Variants in HTR1E observed in about 807,000 individuals in gnomAD.
The protein encoded by HTR1E is 5-HT-1E.
Under a neutral mutation model 3.4 loss-of-function variants are expected in HTR1E, and 3 were observed. That is an observed-to-expected ratio of 0.89 (90% confidence interval 0.41 to 2.31). The LOEUF (loss-of-function observed/expected upper bound fraction) is 2.31. HTR1E is among the 30% of genes most tolerant of loss of function. The probability of loss-of-function intolerance (pLI) is 0.05; values close to 1 mark genes in which losing one functional copy is unlikely to be tolerated. For synonymous variants in HTR1E, 170 were observed against 182.8 expected, an observed-to-expected ratio of 0.93 and a Z score of 0.56; for missense variants, 392 against 467.0, an observed-to-expected ratio of 0.84 and a Z score of 1.48.
intron 1 of HTR1E, among the ~76,000 whole-genome samples, chr6:87,003,547 A>G (rs1032340852): frequency 6.6e-6 from 1 of 151,910 alleles, no homozygotes; most frequent in Non-Finnish European, 1.5e-5. Flanking sequence ...TCAAAAAAAA[A>G]AAAAGAAAAA....
Position 87,016,499 on chromosome 6 carries a change from A to C in HTR1E, c.*67A>C. On this transcript the variant is annotated 3_prime_UTR_variant, in exon 2 of 2. Coordinates refer to ENST00000305344, the MANE Select transcript of HTR1E (RefSeq NM_000865.3). ...TGAGTGGATGGGGGTAAGGGGTGCA[A>C]CTTATTAATTCTTGAACATACTTGG... is the stretch of plus-strand genomic sequence containing the variant. The C allele has an allele frequency of 7.5e-7, 1 of 1,332,782 alleles. No individual in the cohort carries two copies. Among genetic ancestry groups the C allele is most frequent in the East Asian group, 2.3e-5 (1 of 43,148 alleles). 82.6% of individuals were successfully genotyped at this position (1,332,782 alleles called of 1,614,324 possible). A position where few individuals can be genotyped will look rare whatever the true frequency, so the allele number is the denominator to read the frequency against.
At chr6:86,959,283 G>A (rs1171645567) in intron 1 of HTR1E, among the ~76,000 whole-genome samples, 2 of 151,972 alleles carry the variant, frequency 1.3e-5, no homozygotes, top group Non-Finnish European at 2.9e-5. Context: ...AAAAAAAGAA[G>A]AAGAAAAAAC....
At chr6:86,951,834 T>G (rs1395450649) in intron 1 of HTR1E, among the ~76,000 whole-genome samples, 3 of 152,192 alleles carry the variant, frequency 2.0e-5, no homozygotes, top group Non-Finnish European at 4.4e-5. Flanking sequence ...GTCACCTGAA[T>G]TTTAAGTAAC....
At chr6:87,006,866 T>C (rs1373324478) in intron 1 of HTR1E, among the ~76,000 whole-genome samples, 1 of 152,140 alleles carries the variant, frequency 6.6e-6, no homozygotes, top group Non-Finnish European at 1.5e-5. Flanking sequence ...AAGTGGTAGC[T>C]GAACAATAGA....
intron 1 of HTR1E, among the ~76,000 whole-genome samples, chr6:86,975,904 C>A (rs1358715890): frequency 2.0e-5 from 3 of 147,122 alleles, no homozygotes; most frequent in African/African-American, 7.6e-5. Context: ...CTTTCTCTCT[C>A]TCTCTCTCTC....
At chr6:86,971,203 A>G (rs1767550051) in intron 1 of HTR1E, 1 of 387,446 alleles carries the variant, frequency 2.6e-6, no homozygotes, top group Non-Finnish European at 4.9e-6. Flanking sequence ...GGTGTCTACC[A>G]TGATTATTTT....
Position 87,016,177 on chromosome 6 carries a change from C to G in HTR1E, c.843C>G (p.Ile281Met). Residue 281 changes from isoleucine (I) to methionine (M), a missense_variant, in exon 2 of 2, where the codon ATC (isoleucine) becomes ATG (methionine). This residue lies in a region of HTR1E where 178 missense variants were observed against 164.9 expected (regional missense o/e 1.08). Coordinates refer to ENST00000305344, the MANE Select transcript of HTR1E (RefSeq NM_000865.3). ...ATCACCCAGGAGAACGTCAGCAGAT[C>G]TCTAGCACCAGGGAACGGAAGGCAG... ...DLDHPGERQQ[I>M]SSTRERKAAR... 1 of 1,614,196 alleles carries G rather than the reference C, an allele frequency of 6.2e-7. No individual in the cohort carries two copies. Among genetic ancestry groups the G allele is most frequent in the Non-Finnish European group, 8.5e-7 (1 of 1,180,036 alleles).
intron 1 of HTR1E, among the ~76,000 whole-genome samples, chr6:87,010,311 GGGGCT>G (rs1562074509): frequency 1.7e-5 from 2 of 119,730 alleles, no homozygotes; most frequent in African/African-American, 3.6e-5. Flanking sequence ...GCCGGGCGGG[GGGGCT>G]GACCCCCCCC....
chr6:86,938,698 T>C (rs1332447837), intron 1 of HTR1E, among the ~76,000 whole-genome samples: 2 of 152,194 alleles, frequency 1.3e-5, no homozygotes, highest in Non-Finnish European at 2.9e-5. Context: ...TGTCCTTCCT[T>C]GCCTCCTGCA....
At chr6:86,941,650 G>C (rs1264961582) in intron 1 of HTR1E, among the ~76,000 whole-genome samples, 1 of 152,208 alleles carries the variant, frequency 6.6e-6, no homozygotes, top group Non-Finnish European at 1.5e-5. Context: ...AGAGGAATGA[G>C]CATCTCTGGA....
At chr6:86,942,413 A>T (rs1768558284) in intron 1 of HTR1E, among the ~76,000 whole-genome samples, 1 of 152,226 alleles carries the variant, frequency 6.6e-6, no homozygotes, top group Non-Finnish European at 1.5e-5. Flanking sequence ...TAGTCAAGGA[A>T]GTATTTGTTA....
chr6:86,977,904 G>A (rs80130066), intron 1 of HTR1E, among the ~76,000 whole-genome samples: 7,275 of 151,874 alleles, frequency 0.048, 193 homozygotes, highest in Middle Eastern at 0.071. Flanking sequence ...TTTTTAATGG[G>A]GTTATTTGTT....
At chr6:87,014,844 A>G (rs1358607557) in intron 1 of HTR1E, among the ~76,000 whole-genome samples, 1 of 152,142 alleles carries the variant, frequency 6.6e-6, no homozygotes, top group Non-Finnish European at 1.5e-5. Flanking sequence ...TAGGAGAAGT[A>G]CCTAATGTAG....
intron 1 of HTR1E, among the ~76,000 whole-genome samples, chr6:86,946,088 T>G (rs187057717): frequency 8.5e-5 from 13 of 152,310 alleles, no homozygotes; most frequent in Admixed American, 2.0e-4. Flanking sequence ...TAAGGTTAAC[T>G]TATTATTGGA....
intron 1 of HTR1E, among the ~76,000 whole-genome samples, chr6:86,938,636 A>G (rs1311531261): frequency 1.3e-5 from 2 of 152,212 alleles, no homozygotes. Flanking sequence ...AGTTAGAAGG[A>G]TAAGGCAGAT....
At chr6:86,957,463 T>C (rs79239896) in intron 1 of HTR1E, among the ~76,000 whole-genome samples, 147 of 152,330 alleles carry the variant, frequency 9.7e-4, no homozygotes, top group Non-Finnish European at 1.8e-3. Context: ...GCCAAGGCCA[T>C]CTTTTTTTTA....
chr6:86,953,478 C>T (rs1767275439), intron 1 of HTR1E, among the ~76,000 whole-genome samples: 1 of 152,118 alleles, frequency 6.6e-6, no homozygotes, highest in African/African-American at 2.4e-5. Context: ...GGTCGGCAGG[C>T]TGTCAGCTAG....
intron 1 of HTR1E, among the ~76,000 whole-genome samples, chr6:86,941,305 A>G (rs945132128): frequency 6.6e-6 from 1 of 152,232 alleles, no homozygotes; most frequent in African/African-American, 2.4e-5. Context: ...ATCACAACAA[A>G]TTGATAAAAT....
At chr6:86,978,391 T>C (rs1366892552) in intron 1 of HTR1E, among the ~76,000 whole-genome samples, 1 of 152,162 alleles carries the variant, frequency 6.6e-6, no homozygotes, top group East Asian at 1.9e-4. Flanking sequence ...GAACTCTCTT[T>C]TACAATGTTA....
Sources: gnomAD v4.1 joint callset for allele counts (sites outside exome capture counted in the v4.1 genomes callset) on GRCh38, gnomAD v4.1.1 for gene constraint, gnomAD v4.1.1 regional missense constraint, MANE v1.5 for transcripts, NCBI Gene and HGNC (gene_info 2026-07-23, HGNC 2026-07-21) for gene names.